Variants in TRAK1 observed in about 807,000 individuals in gnomAD.
The protein encoded by TRAK1 is trafficking kinesin-binding protein 1.
In TRAK1, 33 loss-of-function variants were observed where a neutral mutation model predicts 92.1. The ratio of observed to expected loss-of-function variants is 0.36; its 90% confidence interval spans 0.27 to 0.48. The LOEUF (loss-of-function observed/expected upper bound fraction) is 0.48. TRAK1 is among the 20% of genes least tolerant of loss of function. TRAK1 has a pLI of 0.99. For synonymous variants in TRAK1, 521 were observed against 517.3 expected (o/e 1.01, Z -0.10); for missense variants, 1,123 against 1,257.9 (o/e 0.89, Z 1.62).
At chr3:42,152,485 T>C (rs1351577621) in intron 2 of TRAK1, among the ~76,000 whole-genome samples, 1 of 152,226 alleles carries the variant, frequency 6.6e-6, no homozygotes, top group African/African-American at 2.4e-5. Context: ...TCATTGAAAG[T>C]CATCTGCTTA....
At chr3:42,222,769 G>C (rs1210227921) in intron 15 of TRAK1, among the ~76,000 whole-genome samples, 173 bp from the exon 16 acceptor site, 1 of 152,170 alleles carries the variant, frequency 6.6e-6, no homozygotes, top group Non-Finnish European at 1.5e-5. Context: ...TGCTTCCCTT[G>C]AAGGGTGAGA....
At chr3:42,181,282 G>T (rs1441771817) in intron 3 of TRAK1, among the ~76,000 whole-genome samples, 1 of 150,502 alleles carries the variant, frequency 6.6e-6, no homozygotes, top group Middle Eastern at 3.4e-3. Flanking sequence ...AGTGGCTCAC[G>T]CCTGTAATCC....
intron 1 of TRAK1, among the ~76,000 whole-genome samples, chr3:42,019,464 G>T (rs1701653820): frequency 2.6e-5 from 4 of 152,040 alleles, no homozygotes; most frequent in South Asian, 2.1e-4. Context: ...TTTTGTAGAG[G>T]TGAGGTCTTG....
intron 1 of TRAK1, among the ~76,000 whole-genome samples, chr3:42,098,068 C>A (rs752406564): frequency 6.6e-6 from 1 of 151,858 alleles, no homozygotes; most frequent in Non-Finnish European, 1.5e-5. Flanking sequence ...TCCTTACCCA[C>A]TTTCTGTCTG....
chr3:42,017,836 T>G (rs1286011969), intron 1 of TRAK1, among the ~76,000 whole-genome samples: 2 of 152,206 alleles, frequency 1.3e-5, no homozygotes, highest in Non-Finnish European at 2.9e-5. Flanking sequence ...TTAATTTTTT[T>G]GTTTTCAAAA....
chr3:42,184,962 C>G, intron 4 of TRAK1, 161 bp downstream of exon 4: 1 of 615,834 alleles, frequency 1.6e-6, no homozygotes, highest in Non-Finnish European at 2.8e-6. Flanking sequence ...AAACGTTCAC[C>G]TGGGGACTAA....
intron 4 of TRAK1, among the ~76,000 whole-genome samples, chr3:42,185,734 C>T (rs1237107910): frequency 1.9e-4 from 27 of 144,140 alleles, no homozygotes; most frequent in African/African-American, 6.0e-4. Flanking sequence ...TGCAGTGGTG[C>T]GATCCCAGCT....
chr3:42,214,641 G>A (rs913201118), intron 14 of TRAK1, among the ~76,000 whole-genome samples: 22 of 152,172 alleles, frequency 1.4e-4, no homozygotes, highest in African/African-American at 5.1e-4. Flanking sequence ...GGTGTAGTGG[G>A]AAGAAGAGTC....
At chr3:42,217,818 CG>C (rs983605198) in intron 14 of TRAK1, 13 of 985,138 alleles carry the variant, frequency 1.3e-5, no homozygotes, top group Non-Finnish European at 1.6e-5. Flanking sequence ...GGAAGAGAAT[CG>C]TGATTGTTTG....
chr3:42,222,215 T>C (rs1166645993), intron 15 of TRAK1, among the ~76,000 whole-genome samples: 1 of 152,126 alleles, frequency 6.6e-6, no homozygotes, highest in Non-Finnish European at 1.5e-5. Context: ...CAGTGGGCCT[T>C]TCCCTGGGTA....
At chr3:42,082,567 C>G (rs1328527190), upstream of TRAK1, among the ~76,000 whole-genome samples, 1 of 151,928 alleles carries the variant, frequency 6.6e-6, no homozygotes, top group Non-Finnish European at 1.5e-5. Flanking sequence ...TGCACTCCAG[C>G]CTGGGAGACA....
At chr3:42,118,177 G>T (rs1021244401) in intron 1 of TRAK1, among the ~76,000 whole-genome samples, 1 of 151,768 alleles carries the variant, frequency 6.6e-6, no homozygotes, top group South Asian at 2.1e-4. Context: ...TCCACCTCCC[G>T]GGTTCAAGCA....
chr3:42,137,320 G>A (rs932378228), intron 2 of TRAK1, among the ~76,000 whole-genome samples: 7 of 152,140 alleles, frequency 4.6e-5, no homozygotes, highest in African/African-American at 1.7e-4. Flanking sequence ...TGGATATCAG[G>A]CCAGATAGTA....
chr3:42,161,549 A>G (rs1701274019), intron 2 of TRAK1, among the ~76,000 whole-genome samples: 1 of 151,840 alleles, frequency 6.6e-6, no homozygotes, highest in Admixed American at 6.6e-5. Context: ...TTGCCCAGCT[A>G]ATTTTTAAAA....
intron 9 of TRAK1, among the ~76,000 whole-genome samples, chr3:42,194,210 C>T (rs970233417): frequency 6.6e-6 from 1 of 152,146 alleles, no homozygotes; most frequent in African/African-American, 2.4e-5. Context: ...ACAGGTGTGG[C>T]TTGAAACATG....
intron 1 of TRAK1, among the ~76,000 whole-genome samples, chr3:42,056,398 C>G (rs1219496327): frequency 6.6e-6 from 1 of 152,104 alleles, no homozygotes; most frequent in Non-Finnish European, 1.5e-5. Context: ...GAAGTGGTAT[C>G]TCATTATGGT....
At chr3:42,034,314 CAG>C (rs757312184) in intron 1 of TRAK1, among the ~76,000 whole-genome samples, 1 of 152,132 alleles carries the variant, frequency 6.6e-6, no homozygotes, top group Non-Finnish European at 1.5e-5. Flanking sequence ...AAATTTGAGA[CAG>C]AGTCTCACTG....
chr3:42,092,063 C>CTCCCTCTCTCCCGTT (rs1403163800), intron 1 of TRAK1, among the ~76,000 whole-genome samples: 1 of 152,168 alleles, frequency 6.6e-6, no homozygotes, highest in African/African-American at 2.4e-5. Context: ...GACTGTCTCC[C>CTCCCTCTCTCCCGTT]TCCCTCTCTC....
At chr3:42,146,310 G>T (rs1196556836) in intron 2 of TRAK1, 2 of 307,574 alleles carry the variant, frequency 6.5e-6, no homozygotes, top group Middle Eastern at 1.4e-3. Flanking sequence ...TTCGTACTTG[G>T]TTTTCCTGAC....
Sources: allele counts gnomAD v4.1 joint callset (sites outside exome capture counted in the v4.1 genomes callset), GRCh38; gene constraint gnomAD v4.1.1; transcripts MANE v1.5; gene names NCBI Gene and HGNC (gene_info 2026-07-23, HGNC 2026-07-21).